Variants in TMPRSS9 observed in about 807,000 individuals in gnomAD.
TMPRSS9 encodes transmembrane protease serine 9.
TMPRSS9 carries 113 observed loss-of-function variants against 111.4 expected under a neutral mutation model. The ratio of observed to expected loss-of-function variants is 1.01; its 90% confidence interval spans 0.87 to 1.19. The LOEUF is 1.19. Among genes scored for constraint, TMPRSS9 ranks in the 50% most tolerant of loss-of-function variants. TMPRSS9 has a pLI of 0.00. For missense variants in TMPRSS9, 1,803 were observed against 1,513.1 expected (o/e 1.19, Z -3.18); for synonymous variants, 805 against 659.1 (o/e 1.22, Z -3.39).
chr19:2,418,082 C>T, exon 13 of TMPRSS9: 1 of 1,612,422 alleles, frequency 6.2e-7, no homozygotes, highest in African/African-American at 1.3e-5. Context: ...CAACTTCTCC[C>T]TCACAGACCG....
chr19:2,368,953 T>A (rs1970269004), intron 1 of TMPRSS9, among the ~76,000 whole-genome samples: 1 of 131,262 alleles, frequency 7.6e-6, no homozygotes, highest in African/African-American at 2.6e-5. Context: ...CCCGGCTAAT[T>A]CTTTTTTTTT....
At chr19:2,398,312 T>A (rs913643432) in intron 2 of TMPRSS9, among the ~76,000 whole-genome samples, 1 of 149,914 alleles carries the variant, frequency 6.7e-6, no homozygotes, top group African/African-American at 2.5e-5. Flanking sequence ...ATAATAATAA[T>A]AAAAAATTTA....
exon 4 of TMPRSS9, chr19:2,399,100 G>A (rs1970771890): frequency 6.2e-7 from 1 of 1,613,598 alleles, no homozygotes; most frequent in African/African-American, 1.3e-5. Flanking sequence ...GGGCCTGGAG[G>A]AGGAGCTATT....
In TMPRSS9 at chr19:2,425,198, GAGCCCGCGCCGCGACCCCCGGAC is replaced by G; in HGVS notation, c.2915_2937del (p.Glu972GlyfsTer63). On this transcript the variant is annotated frameshift_variant, in exon 16 of 18. Transcript: ENST00000648592. LOFTEE classifies it high-confidence loss of function. The stretch of plus-strand genomic sequence containing the variant: ...CCTGGTGCGTCCCATCTGCCTGCCC[GAGCCCGCGCCGCGACCCCCGGAC>G]GGCACGCGCTGCGTCATCACCGGCT... 1 of 1,520,698 alleles carries G rather than the reference GAGCCCGCGCCGCGACCCCCGGAC, an allele frequency of 6.6e-7. No homozygotes were observed. Among genetic ancestry groups the G allele is most frequent in the Non-Finnish European group, 8.8e-7 (1 of 1,139,410 alleles). The allele number at this position is 1,520,698 out of a possible 1,614,324, so 94.2% of individuals were successfully genotyped here. A position where few individuals can be genotyped will look rare whatever the true frequency, so the allele number is the denominator to read the frequency against.
chr19:2,409,029 T>TC (rs769467205), intron 8 of TMPRSS9, among the ~76,000 whole-genome samples: 1 of 127,306 alleles, frequency 7.9e-6, no homozygotes, highest in Admixed American at 7.5e-5. Flanking sequence ...ATAATAATAA[T>TC]AATGATGATG....
At chr19:2,377,301 G>C (rs777484359) in intron 1 of TMPRSS9, among the ~76,000 whole-genome samples, 7 of 118,816 alleles carry the variant, frequency 5.9e-5, no homozygotes, top group Non-Finnish European at 1.1e-4. Context: ...ATATATGTAT[G>C]TATGTATGTA....
In TMPRSS9 at chr19:2,380,304, C is replaced by A. The variant is rs551741938; in HGVS notation, c.-25-9457C>A. Among the ~76,000 whole-genome samples, 27 of 151,036 alleles carry A rather than the reference C, an allele frequency of 1.8e-4. No homozygotes were observed. In the South Asian group the frequency reaches 1.9e-3, roughly 11 times the overall value. On this transcript the variant is annotated intron_variant, in intron 1 of 17. Transcript: ENST00000649857. ...GTCTTAAAAAAAAACAACAAAAAAA[C>A]CCCACAAAAAACCAGGTACAGTGGC...
At chr19:2,384,552 A>G (rs888498623) in intron 1 of TMPRSS9, among the ~76,000 whole-genome samples, 4 of 151,340 alleles carry the variant, frequency 2.6e-5, no homozygotes, top group African/African-American at 9.7e-5. Flanking sequence ...GCGGTGGCTC[A>G]CGCCTGTAAT....
exon 15 of TMPRSS9, chr19:2,424,145 C>T (rs1256677780): frequency 5.5e-6 from 8 of 1,441,466 alleles, no homozygotes; most frequent in East Asian, 2.8e-5. Context: ...CGCAGCGGGC[C>T]GTGGGGAGTG....
chr19:2,416,886 T>C, intron 12 of TMPRSS9, 77 bp downstream of exon 13: 2 of 1,501,092 alleles, frequency 1.3e-6, no homozygotes, highest in Non-Finnish European at 1.8e-6. Context: ...GATGGGCATC[T>C]CTTACCTGGA....
intron 6 of TMPRSS9, among the ~76,000 whole-genome samples, chr19:2,405,022 T>G (rs1970938882): frequency 6.6e-6 from 1 of 151,716 alleles, no homozygotes; most frequent in Non-Finnish European, 1.5e-5. Context: ...ATTACAAAAT[T>G]TTGTGAAGGA....
chr19:2,411,193 G>C (rs1040512377), intron 9 of TMPRSS9, among the ~76,000 whole-genome samples: 42 of 149,462 alleles, frequency 2.8e-4, no homozygotes, highest in African/African-American at 7.9e-4. Flanking sequence ...CCAGCTCCTC[G>C]GGTGGCTGAG....
exon 2 of TMPRSS9, chr19:2,396,623 C>T (rs1970714584): frequency 1.2e-6 from 2 of 1,603,166 alleles, no homozygotes; most frequent in Non-Finnish European, 8.5e-7. Flanking sequence ...CGGCGGGAGA[C>T]CTCGGACTAT....
intron 13 of TMPRSS9, among the ~76,000 whole-genome samples, chr19:2,420,374 G>A (rs896987176): frequency 2.0e-5 from 3 of 150,494 alleles, no homozygotes; most frequent in Admixed American, 6.7e-5. Context: ...CCCAGGAGGC[G>A]GAGGTCACAG....
intron 15 of TMPRSS9, among the ~76,000 whole-genome samples, chr19:2,424,726 G>A (rs1971563383): frequency 6.6e-6 from 1 of 152,154 alleles, no homozygotes; most frequent in Admixed American, 6.5e-5. Flanking sequence ...GGCTCTGCAG[G>A]GCTGGAGGTC....
chr19:2,405,862 C>G (rs866495026), intron 7 of TMPRSS9, among the ~76,000 whole-genome samples: 1 of 149,312 alleles, frequency 6.7e-6, no homozygotes, highest in Admixed American at 6.8e-5. Flanking sequence ...CCCGCCACCA[C>G]GCCTGTTGTA....
chr19:2,392,683 A>C (rs1970623389), intron 1 of TMPRSS9, among the ~76,000 whole-genome samples: 1 of 152,200 alleles, frequency 6.6e-6, no homozygotes, highest in African/African-American at 2.4e-5. Context: ...TCTGGTGGGG[A>C]CTTGGATAAC....
chr19:2,379,181 C>CTT (rs919990556), intron 1 of TMPRSS9, among the ~76,000 whole-genome samples: 26,319 of 98,956 alleles, frequency 0.27, 4,271 homozygotes, highest in East Asian at 0.48. Context: ...GCTTCTTTCT[C>CTT]TTTTTTTTTT....
intron 17 of TMPRSS9, 48 bp downstream of exon 18, chr19:2,425,541 G>T (rs1393558145): frequency 6.8e-7 from 1 of 1,481,276 alleles, no homozygotes; most frequent in Non-Finnish European, 8.9e-7. Context: ...CAGCCGCCGG[G>T]GAGGGCGGGT....
Sources: gnomAD v4.1 joint callset for allele counts (sites outside exome capture counted in the v4.1 genomes callset) on GRCh38, gnomAD v4.1.1 for gene constraint, MANE v1.5 for transcripts, NCBI Gene and HGNC (gene_info 2026-07-23, HGNC 2026-07-21) for gene names.